The following SLC2A13 variants were observed in gnomAD, a reference collection of about 807,000 sequenced individuals.
SLC2A13 encodes the protein proton myo-inositol cotransporter.
In SLC2A13, 32 loss-of-function variants were observed where a neutral mutation model predicts 64.4. The ratio of observed to expected loss-of-function variants is 0.50; its 90% CI spans 0.37 to 0.67. The LOEUF (loss-of-function observed/expected upper bound fraction) is 0.67. Ranked by LOEUF, SLC2A13 falls within the 30% of genes least tolerant of loss-of-function variation. The probability of loss-of-function intolerance (pLI) is 0.00; values close to 1 mark genes in which losing one functional copy is unlikely to be tolerated. For missense variants in SLC2A13, 743 were observed against 829.2 expected (o/e 0.90, Z 1.28); for synonymous variants, 338 against 327.1 (o/e 1.03, Z -0.36).
intron 3 of SLC2A13, among the ~76,000 whole-genome samples, chr12:40,026,905 C>A (rs1157900816): frequency 6.6e-6 from 1 of 152,052 alleles, no homozygotes; most frequent in African/African-American, 2.4e-5. Context: ...CATGGTGAAA[C>A]CCCATCTCTA....
chr12:39,871,485 G>A (rs1944052549), intron 5 of SLC2A13, among the ~76,000 whole-genome samples: 1 of 150,364 alleles, frequency 6.7e-6, no homozygotes. Flanking sequence ...AAAAAGGATA[G>A]AAAAAAAAAA....
At chr12:39,845,637 T>C (rs1943288881) in intron 6 of SLC2A13, among the ~76,000 whole-genome samples, 2 of 152,156 alleles carry the variant, frequency 1.3e-5, no homozygotes, top group African/African-American at 2.4e-5. Context: ...TTGGAAGTTG[T>C]GTTGTGTGAC....
chr12:39,808,860 G>A (rs1206013651), intron 7 of SLC2A13, among the ~76,000 whole-genome samples: 3 of 152,002 alleles, frequency 2.0e-5, no homozygotes, highest in Admixed American at 6.6e-5. Context: ...CCGGTCTGTG[G>A]CTTGGGCTTT....
chr12:40,058,736 G>A (rs1478092873), intron 1 of SLC2A13, among the ~76,000 whole-genome samples: 2 of 152,142 alleles, frequency 1.3e-5, no homozygotes, highest in Non-Finnish European at 2.9e-5. Context: ...ACTTTTTCCT[G>A]TAGGGCTGAA....
Position 39,895,551 on chromosome 12 carries a change from T to TACACAC in SLC2A13, c.1035-23596_1035-23591dup, listed in dbSNP as rs1183911411. ...ATATATATATATATATATATATATA[T>TACACAC]ACACACACACACACACGTGTATATG... On this transcript the variant is annotated intron_variant, in intron 4 of 9. Transcript: ENST00000280871. Among the ~76,000 whole-genome samples the TACACAC allele has an allele frequency of 1.6e-4, 11 of 66,762 alleles. 1 individual carries two copies. The highest frequency in any genetic ancestry group is 5.6e-4 in the African/African-American group (9 of 16,020). 43.8% of individuals were successfully genotyped at this position (66,762 alleles called of 152,430 possible).
In SLC2A13 at chr12:40,103,702, G is replaced by T. The variant is rs1166297456; in HGVS notation, c.556+1551C>A. Among the ~76,000 whole-genome samples the T allele has an allele frequency of 2.6e-5, 4 of 152,172 alleles. 1 individual carries two copies. The highest frequency in any genetic ancestry group is 5.9e-5 in the Non-Finnish European group (4 of 68,030). ...CAGAACAATTCTTGCTACCTAAAAT[G>T]ATGTTATTTCTATGTCAGAAGCAAC... On this transcript the variant is annotated intron_variant, in intron 1 of 9. Coordinates refer to ENST00000280871, the MANE Select transcript of SLC2A13 (RefSeq NM_052885.4).
intron 4 of SLC2A13, among the ~76,000 whole-genome samples, chr12:39,896,715 T>C (rs1944929227): frequency 6.6e-6 from 1 of 151,956 alleles, no homozygotes; most frequent in Admixed American, 6.6e-5. Flanking sequence ...CTTCAAGTAT[T>C]TTATAGTATA....
chr12:40,070,896 G>C (rs1937931081), intron 1 of SLC2A13, among the ~76,000 whole-genome samples: 1 of 152,048 alleles, frequency 6.6e-6, no homozygotes, highest in Non-Finnish European at 1.5e-5. Context: ...GAAGCTTAGG[G>C]CCACCTTCGG....
chr12:39,886,485 T>C (rs758967760), intron 4 of SLC2A13, among the ~76,000 whole-genome samples: 4 of 152,182 alleles, frequency 2.6e-5, no homozygotes, highest in Non-Finnish European at 5.9e-5. Context: ...TCAGTCAGCA[T>C]ACATTTATTT....
chr12:39,766,197 C>G (rs1157283029), intron 7 of SLC2A13, among the ~76,000 whole-genome samples: 2 of 152,000 alleles, frequency 1.3e-5, no homozygotes, highest in African/African-American at 2.4e-5. Context: ...TTTCAGTATT[C>G]GTTTACCTCA....
chr12:40,071,963 T>C (rs17489424), intron 1 of SLC2A13, among the ~76,000 whole-genome samples: 2,187 of 152,226 alleles, frequency 0.014, 46 homozygotes, highest in African/African-American at 0.05. Flanking sequence ...CTGCCTACCT[T>C]GGATTTAATT....
chr12:39,832,756 TC>T (rs753276089), intron 6 of SLC2A13, among the ~76,000 whole-genome samples: 58 of 152,008 alleles, frequency 3.8e-4, no homozygotes, highest in Non-Finnish European at 7.5e-4. Context: ...ACTGACCACT[TC>T]CCATCATTTC....
At chr12:39,988,749 T>C (rs940827540) in intron 3 of SLC2A13, among the ~76,000 whole-genome samples, 7 of 151,400 alleles carry the variant, frequency 4.6e-5, no homozygotes, top group African/African-American at 1.7e-4. Context: ...AAAATGCTGC[T>C]AAAGAGGAAA....
intron 3 of SLC2A13, among the ~76,000 whole-genome samples, chr12:39,998,318 G>A (rs944538688): frequency 1.3e-5 from 2 of 152,232 alleles, no homozygotes; most frequent in Non-Finnish European, 2.9e-5. Context: ...TCACACATAA[G>A]TGGGAGCTAA....
At chr12:39,819,264 GT>G (rs1284112521) in intron 7 of SLC2A13, among the ~76,000 whole-genome samples, 3 of 152,004 alleles carry the variant, frequency 2.0e-5, no homozygotes, top group African/African-American at 7.2e-5. Context: ...TAAATTCATG[GT>G]TTACAAATAT....
intron 7 of SLC2A13, among the ~76,000 whole-genome samples, chr12:39,789,361 T>C (rs931648820): frequency 6.6e-6 from 1 of 152,184 alleles, no homozygotes; most frequent in African/African-American, 2.4e-5. Flanking sequence ...TTGAAATTCA[T>C]TCAGGTAGAT....
chr12:39,793,626 C>T (rs955474927), intron 7 of SLC2A13, among the ~76,000 whole-genome samples: 1 of 152,110 alleles, frequency 6.6e-6, no homozygotes, highest in African/African-American at 2.4e-5. Flanking sequence ...CATGGACAAC[C>T]TGGCCCTTAC....
intron 1 of SLC2A13, among the ~76,000 whole-genome samples, chr12:40,061,668 G>A (rs188918889): frequency 4.6e-5 from 7 of 152,138 alleles, no homozygotes; most frequent in East Asian, 3.9e-4. Context: ...CACAGAATTT[G>A]GTGTCCACAC....
chr12:39,798,421 A>G (rs1382567444), intron 7 of SLC2A13, among the ~76,000 whole-genome samples: 8 of 152,258 alleles, frequency 5.3e-5, no homozygotes, highest in South Asian at 2.1e-4. Flanking sequence ...GGAATATTAA[A>G]TGAAGATCAA....
Sources: allele counts gnomAD v4.1 joint callset (sites outside exome capture counted in the v4.1 genomes callset), GRCh38; gene constraint gnomAD v4.1.1; transcripts MANE v1.5; gene names NCBI Gene and HGNC (gene_info 2026-07-23, HGNC 2026-07-21).